DCDC1: variants seen among roughly 807,000 people sequenced by gnomAD.
The protein encoded by DCDC1 is doublecortin domain-containing protein 1.
A neutral mutation model predicts 178.3 loss-of-function variants in DCDC1; 200 were observed. That is an observed-to-expected ratio of 1.12 (90% CI 1.00 to 1.26). The LOEUF (loss-of-function observed/expected upper bound fraction) is 1.26. Ranked by LOEUF, DCDC1 falls within the 50% of genes most tolerant of loss-of-function variation. The probability of loss-of-function intolerance (pLI) is 0.00; values close to 1 mark genes in which losing one functional copy is unlikely to be tolerated. For missense variants in DCDC1, 1,983 were observed against 1,749.2 expected, an observed-to-expected ratio of 1.13 and a Z score of -2.38; for synonymous variants, 690 against 604.8, an observed-to-expected ratio of 1.14 and a Z score of -2.07.
chr11:31,212,277 A>G (rs953955413), intron 9 of DCDC1, among the ~76,000 whole-genome samples: 1 of 152,112 alleles, frequency 6.6e-6, no homozygotes, highest in African/African-American at 2.4e-5. Context: ...TACCCTTACA[A>G]TGCGAAAATT....
intron 20 of DCDC1, among the ~76,000 whole-genome samples, chr11:31,016,099 C>T (rs1035975899): frequency 6.6e-6 from 1 of 152,036 alleles, no homozygotes; most frequent in African/African-American, 2.4e-5. Flanking sequence ...AACTGAGAGA[C>T]CTTGTATTAA....
At chr11:31,285,825 G>A (rs991784038) in intron 7 of DCDC1, among the ~76,000 whole-genome samples, 1 of 151,940 alleles carries the variant, frequency 6.6e-6, no homozygotes, top group African/African-American at 2.4e-5. Flanking sequence ...AATATAAAGG[G>A]AGTATTTTTT....
chr11:30,954,084 C>T (rs1042284622), intron 20 of DCDC1, among the ~76,000 whole-genome samples: 2 of 140,814 alleles, frequency 1.4e-5, no homozygotes, highest in Admixed American at 1.5e-4. Flanking sequence ...CGATCGATCT[C>T]GGCTCACTGC....
intron 29 of DCDC1, among the ~76,000 whole-genome samples, chr11:30,908,054 G>A (rs796254187): frequency 7.2e-5 from 11 of 152,224 alleles, no homozygotes; most frequent in African/African-American, 2.6e-4. Flanking sequence ...TGAAACAAGA[G>A]GGCAACATTA....
intron 36 of DCDC1, among the ~76,000 whole-genome samples, chr11:30,883,854 A>G (rs1267484020): frequency 6.6e-6 from 1 of 152,098 alleles, no homozygotes; most frequent in African/African-American, 2.4e-5. Context: ...AGGGAAAGTC[A>G]TAATATAAAA....
At chr11:31,053,067 T>A (rs561240373) in intron 20 of DCDC1, among the ~76,000 whole-genome samples, 1 of 151,968 alleles carries the variant, frequency 6.6e-6, no homozygotes, top group Admixed American at 6.6e-5. Context: ...AGAAGATAAA[T>A]AAAATTGATA....
intron 20 of DCDC1, among the ~76,000 whole-genome samples, chr11:30,988,599 C>T (rs1173625974): frequency 6.6e-6 from 1 of 152,192 alleles, no homozygotes; most frequent in Non-Finnish European, 1.5e-5. Flanking sequence ...CTAAGCCTTT[C>T]TCTATCTACA....
At chr11:31,034,769 G>T (rs146277591) in intron 20 of DCDC1, among the ~76,000 whole-genome samples, 6 of 152,254 alleles carry the variant, frequency 3.9e-5, no homozygotes, top group Admixed American at 6.5e-5. Flanking sequence ...GGTCATTTAG[G>T]GACCCATGAC....
At chr11:31,052,190 A>T (rs1565223951) in intron 20 of DCDC1, among the ~76,000 whole-genome samples, 1 of 152,170 alleles carries the variant, frequency 6.6e-6, no homozygotes, top group African/African-American at 2.4e-5. Context: ...CAAAAGTGAG[A>T]AGGGGTAGCT....
intron 20 of DCDC1, 122 bp from the exon 21 acceptor site, chr11:30,952,690 C>A: frequency 2.4e-6 from 1 of 415,266 alleles, no homozygotes; most frequent in Non-Finnish European, 4.2e-6. Flanking sequence ...AATTAAAAAC[C>A]CAAATCTGAA....
At chr11:31,035,273 T>C (rs1056373989) in intron 20 of DCDC1, among the ~76,000 whole-genome samples, 2 of 152,210 alleles carry the variant, frequency 1.3e-5, no homozygotes, top group Non-Finnish European at 2.9e-5. Flanking sequence ...TGTGACAGTA[T>C]TAGCTAAACT....
intron 6 of DCDC1, among the ~76,000 whole-genome samples, chr11:31,302,094 T>A (rs1948152000): frequency 6.6e-6 from 1 of 152,098 alleles, no homozygotes; most frequent in Admixed American, 6.5e-5. Context: ...AGAGTAGAAA[T>A]ATTCAACCAA....
At chr11:31,164,633 A>T (rs1966615251) in intron 9 of DCDC1, among the ~76,000 whole-genome samples, 1 of 152,212 alleles carries the variant, frequency 6.6e-6, no homozygotes, top group African/African-American at 2.4e-5. Flanking sequence ...ATAAAGCTGT[A>T]CAATTTGTGC....
chr11:30,972,374 C>A (rs2134696485), intron 20 of DCDC1, among the ~76,000 whole-genome samples: 1 of 152,102 alleles, frequency 6.6e-6, no homozygotes. Context: ...GAAAAGTTAC[C>A]CTTCATTAAT....
intron 20 of DCDC1, among the ~76,000 whole-genome samples, chr11:31,040,102 A>G (rs1309817712): frequency 6.6e-6 from 1 of 152,196 alleles, no homozygotes; most frequent in African/African-American, 2.4e-5. Context: ...GAAGACAGAA[A>G]TATGGTTATG....
intron 20 of DCDC1, among the ~76,000 whole-genome samples, chr11:30,962,441 T>C (rs951483022): frequency 2.0e-5 from 3 of 151,942 alleles, no homozygotes; most frequent in Non-Finnish European, 4.4e-5. Flanking sequence ...CCATCCTGTA[T>C]AGCTGGGAGT....
intron 9 of DCDC1, among the ~76,000 whole-genome samples, chr11:31,146,557 T>C (rs1456521653): frequency 6.6e-6 from 1 of 152,204 alleles, no homozygotes; most frequent in Non-Finnish European, 1.5e-5. Flanking sequence ...AATGTACACA[T>C]TGACACAGCA....
chr11:31,072,284 T>C (rs1956612580), intron 18 of DCDC1, among the ~76,000 whole-genome samples: 1 of 152,204 alleles, frequency 6.6e-6, no homozygotes, highest in African/African-American at 2.4e-5. Flanking sequence ...CATTTTTGTA[T>C]TGAAGTGCAT....
intron 1 of DCDC1, among the ~76,000 whole-genome samples, chr11:31,338,389 C>G (rs1950375466): frequency 6.6e-6 from 1 of 152,102 alleles, no homozygotes; most frequent in Non-Finnish European, 1.5e-5. Flanking sequence ...TCAAATGGAT[C>G]ATATTTGGGG....
Sources: gnomAD v4.1 joint callset for allele counts (sites outside exome capture counted in the v4.1 genomes callset) on GRCh38, gnomAD v4.1.1 for gene constraint, MANE v1.5 for transcripts, NCBI Gene and HGNC (gene_info 2026-07-23, HGNC 2026-07-21) for gene names.